Variants in RPL9 observed in about 807,000 individuals in gnomAD.
RPL9 encodes the protein ribosomal protein L9.
For synonymous variants in RPL9, 82 were observed against 77.1 expected (o/e 1.06, Z -0.33); for missense variants, 149 against 236.7 (o/e 0.63, Z 2.43).
chr4:39,457,555 CA>C, intron 4 of RPL9, 30 bp downstream of exon 4: 1 of 1,570,134 alleles, frequency 6.4e-7, no homozygotes, highest in African/African-American at 1.3e-5. Context: ...CCTCCCTTTC[CA>C]AAACAAGGAA....
Position 39,458,377 on chromosome 4 carries a change from G to A in RPL9, c.46+17C>T, listed in dbSNP as rs200902025. 7 of 1,613,840 alleles carry A rather than the reference G, an allele frequency of 4.3e-6. No individual in the cohort carries two copies. Among genetic ancestry groups the A allele is most frequent in the Admixed American group, 1.7e-5 (1 of 60,006 alleles). On this transcript the variant is annotated intron_variant, in intron 2 of 7. Coordinates refer to ENST00000295955, the MANE Select transcript of RPL9 (RefSeq NM_000661.5). ...ACGTGCAGTAAAGATGTAAGTAAAAGACATCAAGTCTCATACCATTTTCTG... is the reference window on the plus strand; with the variant it reads ...ACGTGCAGTAAAGATGTAAGTAAAAAACATCAAGTCTCATACCATTTTCTG...
chr4:39,455,161 A>G, intron 5 of RPL9: 1 of 438,624 alleles, frequency 2.3e-6, no homozygotes, highest in South Asian at 3.1e-5. Context: ...CATCCTGGCT[A>G]ACACTGTGAA....
At position 39,454,580 on chromosome 4, in the gene RPL9, A is replaced by G; in HGVS notation, c.542T>C (p.Val181Ala). 1.2e-6 allele frequency: 2 copies of G among 1,613,020 alleles called. No individual in the cohort carries two copies. The highest frequency in any genetic ancestry group is 1.7e-6 in the Non-Finnish European group (2 of 1,179,692). ...CTGCTGAACAGTTCCTTTTTCAGAGACATAGATACCATCCAAAAATTTCCT... is the reference window on the plus strand; with the variant it reads ...CTGCTGAACAGTTCCTTTTTCAGAGGCATAGATACCATCCAAAAATTTCCT... ...DIRKFLDGIYVSEKGTVQQAD... is the reference protein window; with the variant it reads ...DIRKFLDGIYASEKGTVQQAD... Residue 181 changes from valine to alanine, a missense_variant, in exon 7 of 8, where the codon GTC (valine) becomes GCC (alanine). Transcript: ENST00000295955.
rs953265250 is a variant in RPL9 at position 39,457,932 on chromosome 4, A to G, written c.163-251T>C. On this transcript the variant is annotated intron_variant, in intron 3 of 7. Coordinates refer to ENST00000295955, the MANE Select transcript of RPL9 (RefSeq NM_000661.5). ...CTGCCGGTTCCTGTGATTTTTACAAAGCAATCACTAGGAAAATAAACCAAA... is the reference window on the plus strand; with the variant it reads ...CTGCCGGTTCCTGTGATTTTTACAAGGCAATCACTAGGAAAATAAACCAAA... 13 of 627,192 alleles carry G rather than the reference A, an allele frequency of 2.1e-5. No homozygotes were observed. The Admixed American group carries it at 3.2e-4, about 16-fold the overall frequency. The allele number at this position is 627,192 out of a possible 1,614,324, so 38.9% of individuals were successfully genotyped here.
chr4:39,456,100 A>G, intron 5 of RPL9: 3 of 386,718 alleles, frequency 7.8e-6, no homozygotes, highest in South Asian at 6.4e-5. Context: ...AATACACACC[A>G]TTATATACAC....
chr4:39,458,083 T>C (rs1177289583), intron 3 of RPL9, 111 bp downstream of exon 3: 1 of 1,064,254 alleles, frequency 9.4e-7, no homozygotes, highest in East Asian at 2.6e-5. Context: ...CAGCAACATT[T>C]AAAGCTGAAG....
chr4:39,455,470 G>A (rs983048927), intron 5 of RPL9, among the ~76,000 whole-genome samples: 1 of 151,436 alleles, frequency 6.6e-6, no homozygotes, highest in African/African-American at 2.4e-5. Flanking sequence ...GGGAAGAACT[G>A]CTTGAGCCTG....
At chr4:39,456,375 T>C (rs1744086612) in intron 5 of RPL9, 31 bp downstream of exon 5, 3 of 1,613,504 alleles carry the variant, frequency 1.9e-6, no homozygotes, top group Non-Finnish European at 1.7e-6. Context: ...AAGGAAAAAT[T>C]TCTTAATTCT....
intron 7 of RPL9, 149 bp from the exon 8 acceptor site, chr4:39,454,374 G>A (rs1050353342): frequency 1.6e-6 from 1 of 606,764 alleles, no homozygotes; most frequent in African/African-American, 1.9e-5. Flanking sequence ...GTAGTAAAAT[G>A]CATGCCAATT....
intron 5 of RPL9, among the ~76,000 whole-genome samples, chr4:39,455,628 G>A (rs1744056710): frequency 6.6e-6 from 1 of 152,064 alleles, no homozygotes; most frequent in Admixed American, 6.6e-5. Context: ...AAAATCAGCT[G>A]GATGTGGTGG....
At chr4:39,458,334 G>C (rs1346403768) in intron 2 of RPL9, 25 bp from the exon 3 acceptor site, 2 of 1,613,778 alleles carry the variant, frequency 1.2e-6, no homozygotes, top group African/African-American at 2.7e-5. Context: ...ACACTCGTCA[G>C]GCCACACAAC....
chr4:39,457,949 T>C (rs1183889320), intron 3 of RPL9: 2 of 642,660 alleles, frequency 3.1e-6, no homozygotes, highest in South Asian at 3.5e-5. Flanking sequence ...ACTAGGAAAA[T>C]AAACCAAACT....
rs1744176893 is a variant in RPL9 at position 39,457,921 on chromosome 4, G to T, written c.163-240C>A. 7 of 625,684 alleles carry T rather than the reference G, an allele frequency of 1.1e-5. No homozygotes were observed. The South Asian group carries it at 1.1e-4, about 10-fold the overall frequency. 38.8% of individuals were successfully genotyped at this position (625,684 alleles called of 1,614,324 possible). A position where few individuals can be genotyped will look rare whatever the true frequency, so the allele number is the denominator to read the frequency against. ...TAAATGACCTACTGCCGGTTCCTGT[G>T]ATTTTTACAAAGCAATCACTAGGAA... is the stretch of plus-strand genomic sequence containing the variant. On this transcript the variant is annotated intron_variant, in intron 3 of 7. Coordinates refer to ENST00000295955, the MANE Select transcript of RPL9 (RefSeq NM_000661.5).
intron 1 of RPL9, 54 bp downstream of exon 1, chr4:39,458,837 A>C: frequency 1.4e-6 from 1 of 692,962 alleles, no homozygotes; most frequent in Non-Finnish European, 2.6e-6. Flanking sequence ...AGCCTTTCCC[A>C]GAGCAGATGG....
intron 4 of RPL9, chr4:39,456,788 A>C (rs938033976): frequency 2.3e-5 from 10 of 434,778 alleles, no homozygotes; most frequent in Middle Eastern, 1.3e-3. Flanking sequence ...TTTTAATGAG[A>C]ACCCCAAAGC....
intron 2 of RPL9, 42 bp downstream of exon 2, chr4:39,458,352 A>T: frequency 6.2e-7 from 1 of 1,613,974 alleles, no homozygotes; most frequent in Non-Finnish European, 8.5e-7. Flanking sequence ...AACGCTTGGA[A>T]CGTGCAGTAA....
At chr4:39,458,087 G>C (rs1744187691) in intron 3 of RPL9, 107 bp downstream of exon 3, 1 of 1,087,354 alleles carries the variant, frequency 9.2e-7, no homozygotes, top group Non-Finnish European at 1.4e-6. Context: ...AACATTTAAA[G>C]CTGAAGCACT....
At chr4:39,457,353 TAAA>T in intron 4 of RPL9, 16 of 301,722 alleles carry the variant, frequency 5.3e-5, no homozygotes, top group East Asian at 1.9e-4. Flanking sequence ...CAGCCTTGAT[TAAA>T]AAAAAAAAAA....
rs376382994 is a variant in RPL9 at position 39,455,131 on chromosome 4, T to C, written c.392-187A>G. ...TTGGGAGGCCGAGGCGGGCGGATCA[T>C]GAGGTCAGGAGATCGAAACCATCCT... On this transcript the variant is annotated intron_variant, in intron 5 of 7. Coordinates refer to ENST00000295955, the MANE Select transcript of RPL9 (RefSeq NM_000661.5). 2.9e-5 allele frequency: 16 copies of C among 546,282 alleles called. No homozygotes were observed. The East Asian group carries it at 3.1e-4, about 11-fold the overall frequency. 33.8% of individuals were successfully genotyped at this position (546,282 alleles called of 1,614,324 possible).
Sources: gnomAD v4.1 joint callset for allele counts (sites outside exome capture counted in the v4.1 genomes callset) on GRCh38, gnomAD v4.1.1 for gene constraint, MANE v1.5 for transcripts, NCBI Gene and HGNC (gene_info 2026-07-23, HGNC 2026-07-21) for gene names.